Variants in PTPRD observed in about 807,000 individuals in gnomAD.
PTPRD encodes the protein receptor-type tyrosine-protein phosphatase delta.
A neutral mutation model predicts 214.5 loss-of-function variants in PTPRD; 34 were observed. That is an observed-to-expected ratio of 0.16 (90% CI 0.12 to 0.21). The LOEUF is 0.21. Among genes scored for constraint, PTPRD ranks in the 10% least tolerant of loss-of-function variants. The pLI, the probability that PTPRD is intolerant of heterozygous loss-of-function variation, is 1.00. For missense variants in PTPRD, 2,545 were observed against 2,398.7 expected (o/e 1.06, Z -1.27); for synonymous variants, 1,128 against 845.7 (o/e 1.33, Z -5.79).
At chr9:9,795,509 C>A (rs986381208) in intron 5 of PTPRD, among the ~76,000 whole-genome samples, 1 of 151,932 alleles carries the variant, frequency 6.6e-6, no homozygotes, top group East Asian at 1.9e-4. Context: ...ATTCATGAAA[C>A]AAATAAAGTA....
chr9:8,448,826 T>C (rs1489466498), intron 34 of PTPRD, among the ~76,000 whole-genome samples: 1 of 152,174 alleles, frequency 6.6e-6, no homozygotes, highest in African/African-American at 2.4e-5. Context: ...AATCAGAACA[T>C]CCATATGGCA....
chr9:9,947,355 T>TATATATTATATATATATTATATATATC (rs1566616258), intron 4 of PTPRD, among the ~76,000 whole-genome samples: 1 of 34,452 alleles, frequency 2.9e-5, no homozygotes, highest in Non-Finnish European at 4.2e-5. Context: ...TAATATATAT[T>TATATATTATATATATATTATATATATC]ATATATATTA....
intron 3 of PTPRD, among the ~76,000 whole-genome samples, chr9:10,247,426 G>C (rs994726974): frequency 2.6e-5 from 4 of 152,136 alleles, no homozygotes; most frequent in African/African-American, 9.7e-5. Flanking sequence ...ATAAGTTAGA[G>C]ACAAAATGTA....
chr9:8,535,687 T>C (rs886214581), intron 14 of PTPRD, among the ~76,000 whole-genome samples: 1 of 151,878 alleles, frequency 6.6e-6, no homozygotes, highest in Non-Finnish European at 1.5e-5. Context: ...AAGAAAATAG[T>C]TTTTAAAAAG....
intron 12 of PTPRD, among the ~76,000 whole-genome samples, chr9:8,690,667 T>C (rs766482042): frequency 2.6e-5 from 4 of 151,896 alleles, no homozygotes; most frequent in Non-Finnish European, 5.9e-5. Flanking sequence ...AGAAAGAAGA[T>C]AGTAGGTAAC....
intron 37 of PTPRD, among the ~76,000 whole-genome samples, chr9:8,379,254 A>T (rs2084207204): frequency 6.6e-6 from 1 of 152,150 alleles, no homozygotes; most frequent in Admixed American, 6.6e-5. Flanking sequence ...ATGCACACAC[A>T]TGGCCTCAGC....
chr9:9,599,149 C>G (rs2093577099), intron 7 of PTPRD, among the ~76,000 whole-genome samples: 1 of 152,002 alleles, frequency 6.6e-6, no homozygotes, highest in South Asian at 2.1e-4. Context: ...TACTACATTT[C>G]TAGAATCCAA....
intron 10 of PTPRD, among the ~76,000 whole-genome samples, chr9:9,175,535 A>G (rs911617401): frequency 6.6e-6 from 1 of 150,644 alleles, no homozygotes; most frequent in African/African-American, 2.5e-5. Context: ...AGGCAGGAGA[A>G]TCGCTTGAAC....
intron 24 of PTPRD, among the ~76,000 whole-genome samples, chr9:8,500,261 A>C (rs1302291013): frequency 6.6e-6 from 1 of 151,962 alleles, no homozygotes; most frequent in Non-Finnish European, 1.5e-5. Flanking sequence ...AAGATTCTTG[A>C]TTATATGTAT....
At chr9:9,227,129 G>A (rs2099959998) in intron 9 of PTPRD, among the ~76,000 whole-genome samples, 1 of 152,096 alleles carries the variant, frequency 6.6e-6, no homozygotes, top group African/African-American at 2.4e-5. Context: ...CAAATGAGGT[G>A]AAGTAACTTG....
rs80041124 is a variant in PTPRD, at chr9:8,810,631, T to A, written c.-103-76685A>T. Among the ~76,000 whole-genome samples the A allele has an allele frequency of 4.9e-3, 746 of 152,252 alleles. 23 individuals carry two copies. The highest frequency in any genetic ancestry group is 0.036 in the East Asian group (188 of 5,158). On this transcript the variant is annotated intron_variant, in intron 11 of 45. Transcript: ENST00000381196. ...TCTAACAGTCATCACGTCTTTAGTG[T>A]TTCAAGAGAAGTAGAGATCTGAATT...
chr9:9,639,791 T>C (rs752858980), intron 7 of PTPRD, among the ~76,000 whole-genome samples: 6 of 152,210 alleles, frequency 3.9e-5, no homozygotes, highest in South Asian at 2.1e-4. Context: ...TTGTTCCATA[T>C]ACTAAATCTC....
intron 2 of PTPRD, among the ~76,000 whole-genome samples, chr9:10,497,734 G>A (rs537445913): frequency 6.6e-6 from 1 of 151,872 alleles, no homozygotes; most frequent in Non-Finnish European, 1.5e-5. Flanking sequence ...AATAATGTGT[G>A]TATATACTTA....
At chr9:10,578,594 A>T (rs564485596) in intron 2 of PTPRD, among the ~76,000 whole-genome samples, 258 of 152,316 alleles carry the variant, frequency 1.7e-3, no homozygotes, top group African/African-American at 6.0e-3. Flanking sequence ...AAAAAGATTG[A>T]CCAATAACTG....
chr9:9,904,746 A>G (rs753779647), intron 5 of PTPRD, among the ~76,000 whole-genome samples: 1 of 152,118 alleles, frequency 6.6e-6, no homozygotes, highest in East Asian at 1.9e-4. Flanking sequence ...TTTTAATTTG[A>G]GAAAATGTAA....
At chr9:9,486,092 G>A (rs1284968979) in intron 8 of PTPRD, among the ~76,000 whole-genome samples, 1 of 137,318 alleles carries the variant, frequency 7.3e-6, no homozygotes, top group Non-Finnish European at 1.5e-5. Context: ...TGGATGTTGT[G>A]GTGAGTCGAG....
intron 2 of PTPRD, among the ~76,000 whole-genome samples, chr9:10,509,020 G>C (rs1222864218): frequency 6.6e-6 from 1 of 151,864 alleles, no homozygotes; most frequent in Non-Finnish European, 1.5e-5. Flanking sequence ...TACTAACTTT[G>C]AACCCATGGC....
At chr9:10,348,449 C>T (rs1012952417) in intron 2 of PTPRD, among the ~76,000 whole-genome samples, 4 of 152,136 alleles carry the variant, frequency 2.6e-5, no homozygotes, top group Admixed American at 2.0e-4. Flanking sequence ...AGCGGTAAAA[C>T]ACTGCCCCTT....
At chr9:8,606,640 T>C (rs1046545140) in intron 14 of PTPRD, among the ~76,000 whole-genome samples, 1 of 152,184 alleles carries the variant, frequency 6.6e-6, no homozygotes, top group Non-Finnish European at 1.5e-5. Flanking sequence ...TGAAATCCAT[T>C]CTGCCTTTCT....
Sources: allele counts gnomAD v4.1 joint callset (sites outside exome capture counted in the v4.1 genomes callset), GRCh38; gene constraint gnomAD v4.1.1; transcripts MANE v1.5; gene names NCBI Gene and HGNC (gene_info 2026-07-23, HGNC 2026-07-21).